The following HMOX1 variants were observed in gnomAD, a reference collection of about 807,000 sequenced individuals.
HMOX1 encodes the protein heat shock protein, 32-kD.
In HMOX1, 22 loss-of-function variants were observed where a neutral mutation model predicts 27.8. That is an observed-to-expected ratio of 0.79 (90% CI 0.57 to 1.13). The LOEUF is 1.13. Among genes scored for constraint, HMOX1 ranks in the 50% most tolerant of loss-of-function variants. The pLI, the probability that HMOX1 is intolerant of heterozygous loss-of-function variation, is 0.00. For synonymous variants in HMOX1, 153 were observed against 151.6 expected, an observed-to-expected ratio of 1.01 and a Z score of -0.07; for missense variants, 379 against 377.7, an observed-to-expected ratio of 1.00 and a Z score of -0.03.
intron 3 of HMOX1, among the ~76,000 whole-genome samples, chr22:35,388,325 A>C (rs1441917073): frequency 1.3e-5 from 2 of 151,212 alleles, no homozygotes; most frequent in Admixed American, 1.3e-4. Flanking sequence ...AGTAGCGTGC[A>C]CCTGTAGTCC....
chr22:35,391,870 GCTCT>G (rs903033880), intron 4 of HMOX1, among the ~76,000 whole-genome samples: 3 of 151,538 alleles, frequency 2.0e-5, no homozygotes, highest in African/African-American at 4.9e-5. Context: ...GACATGTGAT[GCTCT>G]CTCATGGATT....
intron 2 of HMOX1, among the ~76,000 whole-genome samples, chr22:35,385,066 T>C (rs1931471582): frequency 6.6e-6 from 1 of 151,988 alleles, no homozygotes; most frequent in South Asian, 2.1e-4. Flanking sequence ...TTAACTTTGT[T>C]CTCCTTCAAA....
At chr22:35,389,289 CTTCTTTCT>C (rs200559798) in intron 3 of HMOX1, among the ~76,000 whole-genome samples, 1 of 102,970 alleles carries the variant, frequency 9.7e-6, no homozygotes, top group African/African-American at 5.7e-5. Context: ...CTCTCTCTCT[CTTCTTTCT>C]TCTTTCTTTC....
rs1354819056 is a variant in HMOX1, at chr22:35,393,723, TCTCA to T, written c.*128_*131del. On this transcript the variant is annotated 3_prime_UTR_variant, in exon 5 of 5. Coordinates refer to ENST00000216117, the MANE Select transcript of HMOX1 (RefSeq NM_002133.3). ...TGAAGGCTTTCAGGGCCTCCAGCCCTCTCACTGTGTCCCTCTCTCTGGAAAGGAG... is the reference window on the plus strand; with the variant it reads ...TGAAGGCTTTCAGGGCCTCCAGCCCTCTGTGTCCCTCTCTCTGGAAAGGAG... The T allele has an allele frequency of 2.7e-6, 3 of 1,100,082 alleles. No homozygotes were observed. The highest frequency in any genetic ancestry group is 4.2e-6 in the Non-Finnish European group (3 of 721,290). The allele number at this position is 1,100,082 out of a possible 1,614,324, so 68.1% of individuals were successfully genotyped here.
intron 1 of HMOX1, 48 bp downstream of exon 1, chr22:35,381,244 C>A (rs1207181016): frequency 1.3e-6 from 2 of 1,540,610 alleles, no homozygotes; most frequent in South Asian, 1.2e-5. Flanking sequence ...CTCTCCCAAC[C>A]CTGCTTGCGT....
At chr22:35,389,345 T>TTTCTTTCTTTCTTTCTTC (rs1931626707) in intron 3 of HMOX1, among the ~76,000 whole-genome samples, 1 of 32,618 alleles carries the variant, frequency 3.1e-5, no homozygotes, top group Non-Finnish European at 5.3e-5. Flanking sequence ...TTTCTTCTCC[T>TTTCTTTCTTTCTTTCTTC]TCCTTCCTTC....
intron 1 of HMOX1, among the ~76,000 whole-genome samples, chr22:35,382,108 A>G (rs772851573): frequency 5.9e-5 from 9 of 152,166 alleles, no homozygotes; most frequent in Non-Finnish European, 1.2e-4. Context: ...TATTGGGTCT[A>G]AAAGCCAATC....
intron 1 of HMOX1, among the ~76,000 whole-genome samples, chr22:35,382,883 C>T (rs1931415251): frequency 1.3e-5 from 2 of 152,084 alleles, no homozygotes; most frequent in African/African-American, 4.8e-5. Context: ...GTCTCGAACT[C>T]CTGACCTCAG....
chr22:35,390,117 G>A, intron 4 of HMOX1, 154 bp downstream of exon 4: 1 of 692,256 alleles, frequency 1.4e-6, no homozygotes, highest in African/African-American at 1.8e-5. Flanking sequence ...GTAAGGACAG[G>A]TTCTCGCTAT....
rs1931794686 is a variant in HMOX1, at chr22:35,393,954, T to C, written c.*356T>C. On this transcript the variant is annotated 3_prime_UTR_variant, in exon 5 of 5. Coordinates refer to ENST00000216117, the MANE Select transcript of HMOX1 (RefSeq NM_002133.3). ...TCCTTGTTGACACGGCCATGACCAC[T>C]TTCCCCGTGGGCCATGGCAATTTTT... The C allele has an allele frequency of 2.9e-6, 1 of 345,386 alleles. No homozygotes were observed. The highest frequency in any genetic ancestry group is 5.7e-6 in the Non-Finnish European group (1 of 176,236). The allele number at this position is 345,386 out of a possible 1,614,324, so 21.4% of individuals were successfully genotyped here. A position where few individuals can be genotyped will look rare whatever the true frequency, so the allele number is the denominator to read the frequency against.
chr22:35,383,429 ATGT>A (rs745437379), intron 2 of HMOX1, among the ~76,000 whole-genome samples: 50 of 152,164 alleles, frequency 3.3e-4, no homozygotes, highest in Non-Finnish European at 5.9e-4. Context: ...CTGCTCTGTA[ATGT>A]TGTGGAGGGG....
chr22:35,386,809 A>C lies in HMOX1; in HGVS notation c.269A>C (p.Glu90Ala). Reference protein sequence around the residue: ...PEELHRKAALEQDLAFWYGPR... With the variant: ...PEELHRKAALAQDLAFWYGPR... ...GAGCTGCACCGCAAGGCTGCCCTGG[A>C]GCAGGACCTGGCCTTCTGGTACGGG... is the stretch of plus-strand genomic sequence containing the variant. The change falls in exon 3 of 5, where the codon GAG becomes GCG. Residue 90 changes from glutamate to alanine, a missense_variant. Glu to Ala is a moderately radical substitution (Grantham distance 107). Coordinates refer to ENST00000216117, the MANE Select transcript of HMOX1 (RefSeq NM_002133.3). 1.2e-6 allele frequency: 2 copies of C among 1,614,188 alleles called. No homozygotes were observed. The highest frequency in any genetic ancestry group is 1.7e-6 in the Non-Finnish European group (2 of 1,180,022).
chr22:35,390,847 G>A (rs1201848801), intron 4 of HMOX1, among the ~76,000 whole-genome samples: 1 of 152,184 alleles, frequency 6.6e-6, no homozygotes, highest in Non-Finnish European at 1.5e-5. Context: ...CTTGTTGTGT[G>A]TGAGCCCCTC....
chr22:35,383,985 G>A (rs1234310789), intron 2 of HMOX1, among the ~76,000 whole-genome samples: 1 of 152,028 alleles, frequency 6.6e-6, no homozygotes, highest in Non-Finnish European at 1.5e-5. Flanking sequence ...GGGTGTGGGG[G>A]TGGGGAGTAG....
In HMOX1 at chr22:35,389,942, C is replaced by A. The variant is rs374813554; in HGVS notation, c.715C>A (p.Arg239=). The A allele has an allele frequency of 3.7e-6, 6 of 1,611,150 alleles. No individual in the cohort carries two copies. The highest frequency in any genetic ancestry group is 3.3e-5 in the Admixed American group (2 of 59,834). ...SPSRAPGLRQ[R]ASNKVQDSAP... is the part of the protein sequence containing the mutation. ...CTCACGGGCACCAGGGCTTCGCCAG[C>A]GGGCCAGCAACAAAGTGCAAGGTGA... Residue 239 remains arginine, a synonymous_variant, in exon 4 of 5, where the codon CGG becomes AGG. Transcript: ENST00000216117.
chr22:35,383,628 C>T lies in HMOX1; in HGVS notation c.144+402C>T, dbSNP rs752009727. 5.3e-5 allele frequency among the ~76,000 whole-genome samples: 8 copies of T among 152,214 alleles called. No homozygotes were observed. In the East Asian group the frequency reaches 7.7e-4, roughly 15 times the overall value. On this transcript the variant is annotated intron_variant, in intron 2 of 4. Transcript: ENST00000216117. ...GGCTGAAATCAACCAAGACCGATTT[C>T]AGCCTTGTACTCCTTGTATTTCAGA...
At chr22:35,391,302 T>C (rs1220945869) in intron 4 of HMOX1, among the ~76,000 whole-genome samples, 2 of 79,276 alleles carry the variant, frequency 2.5e-5, no homozygotes, top group African/African-American at 7.2e-5. Flanking sequence ...GTTTTTTTTT[T>C]TTCGTTTGAG....
intron 4 of HMOX1, chr22:35,390,228 A>T: frequency 2.0e-6 from 1 of 502,990 alleles, no homozygotes; most frequent in Admixed American, 3.2e-5. Context: ...GCCAGCCTGA[A>T]TGTTTGTTGT....
chr22:35,391,493 T>C (rs1307900589), intron 4 of HMOX1, among the ~76,000 whole-genome samples: 2 of 151,588 alleles, frequency 1.3e-5, no homozygotes, highest in African/African-American at 4.9e-5. Flanking sequence ...TTCACTGTGT[T>C]AGCCAGGATG....
Sources: allele counts gnomAD v4.1 joint callset (sites outside exome capture counted in the v4.1 genomes callset), GRCh38; gene constraint gnomAD v4.1.1; transcripts MANE v1.5; gene names NCBI Gene and HGNC (gene_info 2026-07-23, HGNC 2026-07-21).